Variants in EML1 observed in about 807,000 individuals in gnomAD.
The protein encoded by EML1 is EMAP like 1.
Under a neutral mutation model 110.4 loss-of-function variants are expected in EML1, and 27 were observed. That is an observed-to-expected ratio of 0.24 (90% CI 0.18 to 0.34). EML1 has a LOEUF of 0.34. Ranked by LOEUF, EML1 falls within the 10% of genes least tolerant of loss-of-function variation. The probability of loss-of-function intolerance (pLI) is 1.00; values close to 1 mark genes in which losing one functional copy is unlikely to be tolerated. For synonymous variants in EML1, 344 were observed against 385.8 expected (o/e 0.89, Z 1.27); for missense variants, 741 against 1,030.9 (o/e 0.72, Z 3.85).
intron 8 of EML1, among the ~76,000 whole-genome samples, chr14:99,899,176 A>G (rs61986018): frequency 0.018 from 2,169 of 119,432 alleles, 33 homozygotes; most frequent in Non-Finnish European, 0.028. Flanking sequence ...TTGTTATTGC[A>G]TAATATTTTA....
chr14:99,745,111 G>A (rs2057090526), intron 1 of EML1, among the ~76,000 whole-genome samples: 1 of 152,086 alleles, frequency 6.6e-6, no homozygotes, highest in Admixed American at 6.6e-5. Flanking sequence ...CTGTCACCCA[G>A]GCTTGAGTGC....
At chr14:99,805,527 C>T (rs1049306029) in intron 1 of EML1, among the ~76,000 whole-genome samples, 5 of 151,934 alleles carry the variant, frequency 3.3e-5, no homozygotes, top group African/African-American at 9.7e-5. Flanking sequence ...CAGGCTGGAG[C>T]GCAGTGATAT....
At chr14:99,793,208 G>A (rs2057700241), upstream of EML1, 3 of 422,764 alleles carry the variant, frequency 7.1e-6, no homozygotes, top group Admixed American at 6.6e-5. Flanking sequence ...CAGGCGCGGG[G>A]AGGCTCGGCC....
chr14:99,911,896 C>T (rs942800797), intron 13 of EML1, among the ~76,000 whole-genome samples: 35 of 146,060 alleles, frequency 2.4e-4, no homozygotes, highest in South Asian at 1.9e-3. Flanking sequence ...TTCTTTTTTT[C>T]TTTCTTTCTT....
At position 99,914,659 on chromosome 14, in the gene EML1, G is replaced by A; in HGVS notation, c.1714G>A (p.Ala572Thr). Reference protein sequence around the residue: ...GHDKHATLWDAVGHRPVWDKI... With the variant: ...GHDKHATLWDTVGHRPVWDKI... ...TGACAAGCATGCCACTCTCTGGGAC[G>A]CTGTGGGTCACCGTCCCGTCTGGGA... Residue 572 changes from alanine to threonine, a missense_variant, in exon 15 of 22, where the codon GCT (alanine) becomes ACT (threonine). This residue lies in a region of EML1 where 388 missense variants were observed against 605.6 expected (regional missense o/e 0.64). Transcript: ENST00000262233. The A allele has an allele frequency of 6.2e-7, 1 of 1,610,602 alleles. No individual in the cohort carries two copies. The highest frequency in any genetic ancestry group is 8.5e-7 in the Non-Finnish European group (1 of 1,179,358).
At chr14:99,884,749 C>T (rs780857343) in intron 4 of EML1, among the ~76,000 whole-genome samples, 15 of 152,164 alleles carry the variant, frequency 9.9e-5, no homozygotes, top group Non-Finnish European at 1.5e-4. Context: ...CAAGCAAATT[C>T]GTAGCTTAAT....
chr14:99,799,661 C>T (rs2057838179), intron 1 of EML1, among the ~76,000 whole-genome samples: 1 of 152,144 alleles, frequency 6.6e-6, no homozygotes, highest in African/African-American at 2.4e-5. Context: ...TATAAACAAA[C>T]CCACGCATTT....
At chr14:99,783,381 C>G in intron 1 of EML1, among the ~76,000 whole-genome samples, 1 of 151,978 alleles carries the variant, frequency 6.6e-6, no homozygotes, top group Non-Finnish European at 1.5e-5. Flanking sequence ...TTTCTTAATC[C>G]AGTCTATCAT....
At position 99,903,785 on chromosome 14, in the gene EML1, ATT is replaced by A. The variant is rs1211025934; in HGVS notation, c.1008+2761_1008+2762del. Among the ~76,000 whole-genome samples the A allele has an allele frequency of 3.9e-5, 4 of 103,274 alleles. No homozygotes were observed. The East Asian group carries it at 1.3e-3, about 34-fold the overall frequency. 67.8% of individuals were successfully genotyped at this position (103,274 alleles called of 152,430 possible). ...CAAAATCTCATAGATAAATCTATTC[ATT>A]TTTTTTTTTTTTTTGAGACAGAGTC... On this transcript the variant is annotated intron_variant, in intron 9 of 21. Transcript: ENST00000262233.
intron 7 of EML1, 52 bp downstream of exon 7, chr14:99,897,346 A>G: frequency 6.5e-7 from 1 of 1,531,688 alleles, no homozygotes; most frequent in Non-Finnish European, 8.8e-7. Flanking sequence ...AGGTAGGAGG[A>G]TCGCTTGAGG....
intron 1 of EML1, chr14:99,850,301 C>T (rs759532731): frequency 9.3e-6 from 12 of 1,288,684 alleles, no homozygotes; most frequent in Non-Finnish European, 1.1e-5. Context: ...GGTTTATAGA[C>T]CCTGATAAGG....
chr14:99,878,636 T>C lies in EML1; in HGVS notation c.518+17T>C. 2 of 1,609,614 alleles carry C rather than the reference T, an allele frequency of 1.2e-6. No individual in the cohort carries two copies. Among genetic ancestry groups the C allele is most frequent in the Non-Finnish European group, 1.7e-6 (2 of 1,177,970 alleles). On this transcript the variant is annotated intron_variant, in intron 4 of 21. Transcript: ENST00000262233. The stretch of plus-strand genomic sequence containing the variant: ...CAGTGAAAGGTAAGGACGTCTTATC[T>C]CTCAGTTCCTGCTGTTCAGATATGT...
chr14:99,936,043 G>A lies in EML1; in HGVS notation c.1924G>A (p.Ala642Thr). ...MRYSPDGNFL[A>T]IGSHDNCIYI... ...TCTTTTTATAGATGGGAATTTCTTA[G>A]CCATAGGCTCACATGACAACTGCAT... The change falls in exon 18 of 22, where the codon GCC becomes ACC. Residue 642 changes from alanine to threonine, a missense_variant. Physicochemically the swap from Ala to Thr is moderately conservative, Grantham distance 58. Coordinates refer to ENST00000262233, the MANE Select transcript of EML1 (RefSeq NM_004434.3). The surrounding 1 kb of genome is among the most constrained non-coding windows in gnomAD (Gnocchi z 5.5). 1 of 1,614,040 alleles carries A rather than the reference G, an allele frequency of 6.2e-7. No homozygotes were observed.
At chr14:99,759,936 G>A (rs570523523) in intron 1 of EML1, among the ~76,000 whole-genome samples, 110 of 151,948 alleles carry the variant, frequency 7.2e-4, no homozygotes, top group African/African-American at 2.6e-3. Flanking sequence ...ATGAAACCCC[G>A]TCTCTACTAT....
rs1472410736 is a variant in EML1 at position 99,873,586 on chromosome 14, T to C, written c.384-4899T>C. On this transcript the variant is annotated intron_variant, in intron 3 of 21. Coordinates refer to ENST00000262233, the MANE Select transcript of EML1 (RefSeq NM_004434.3). ...TGAACAAAGGAAGACCTGCGGGACC[T>C]GTCCCCTTATCAGAAGTGATATGGT... Among the ~76,000 whole-genome samples the C allele has an allele frequency of 2.6e-5, 4 of 152,238 alleles. No homozygotes were observed. The East Asian group carries it at 7.7e-4, about 29-fold the overall frequency.
At chr14:99,920,717 T>C (rs2140083806) in intron 16 of EML1, 72 bp from the exon 17 acceptor site, 1 of 1,173,968 alleles carries the variant, frequency 8.5e-7, no homozygotes, top group Non-Finnish European at 1.2e-6. Flanking sequence ...CAATTTTTAT[T>C]CATCCCACTA....
At chr14:99,916,404 T>A (rs535542376) in intron 15 of EML1, among the ~76,000 whole-genome samples, 1 of 152,344 alleles carries the variant, frequency 6.6e-6, no homozygotes, top group South Asian at 2.1e-4. Flanking sequence ...TGTAATCATA[T>A]ATCAAGTTTC....
chr14:99,765,938 T>C (rs1314178093), intron 1 of EML1, among the ~76,000 whole-genome samples: 2 of 152,168 alleles, frequency 1.3e-5, no homozygotes, highest in African/African-American at 2.4e-5. Context: ...GTTAATAAAA[T>C]GGTTACCACA....
chr14:99,897,827 G>T (rs770253103), intron 7 of EML1, among the ~76,000 whole-genome samples: 1 of 152,144 alleles, frequency 6.6e-6, no homozygotes, highest in Non-Finnish European at 1.5e-5. Flanking sequence ...GGATGGATGC[G>T]TGAAGAGATG....
Sources: gnomAD v4.1 joint callset for allele counts (sites outside exome capture counted in the v4.1 genomes callset) on GRCh38, gnomAD v4.1.1 for gene constraint, gnomAD v4.1.1 regional missense constraint, Gnocchi (gnomAD v3.1) non-coding constraint, MANE v1.5 for transcripts, NCBI Gene and HGNC (gene_info 2026-07-23, HGNC 2026-07-21) for gene names.